Variants in TMEM94 observed in about 807,000 individuals in gnomAD.
TMEM94 encodes ER Mg2+ ATPase.
A neutral mutation model predicts 158.6 loss-of-function variants in TMEM94; 81 were observed. The ratio of observed to expected loss-of-function variants is 0.51; its 90% CI spans 0.43 to 0.61. The LOEUF is 0.61. Among genes scored for constraint, TMEM94 ranks in the 20% least tolerant of loss-of-function variants. The pLI is 0.00. For synonymous variants in TMEM94, 751 were observed against 730.7 expected (o/e 1.03, Z -0.45); for missense variants, 1,435 against 1,762.0 (o/e 0.81, Z 3.32).
Position 75,495,534 on chromosome 17 carries a change from C to T in TMEM94, c.2845-10C>T. Reference sequence around the variant, plus strand: ...CATCCCGAAGCCGCTGGCATCTCTGCTTTCTCCAGGCCAAGCTGCCCCGGG... The same window carrying T: ...CATCCCGAAGCCGCTGGCATCTCTGTTTTCTCCAGGCCAAGCTGCCCCGGG... On this transcript the variant is annotated splice_polypyrimidine_tract_variant and intron_variant, in intron 21 of 31. Coordinates refer to ENST00000314256, the MANE Select transcript of TMEM94 (RefSeq NM_014738.6). The surrounding 1 kb of genome is among the most constrained non-coding windows in gnomAD (Gnocchi z 5.6). 6.2e-7 allele frequency: 1 copy of T among 1,613,176 alleles called. No homozygotes were observed. Among genetic ancestry groups the T allele is most frequent in the South Asian group, 1.1e-5 (1 of 91,046 alleles).
At chr17:75,464,575 G>A (rs1241618314) in intron 1 of TMEM94, among the ~76,000 whole-genome samples, 1 of 148,688 alleles carries the variant, frequency 6.7e-6, no homozygotes, top group African/African-American at 2.5e-5. Context: ...TTATCCCTGT[G>A]TATTTTTTCA....
chr17:75,493,261 G>A lies in TMEM94; in HGVS notation c.2086+159G>A, dbSNP rs2052379050. 7.5e-6 allele frequency: 7 copies of A among 927,492 alleles called. No homozygotes were observed. In the South Asian group the frequency reaches 1.2e-4, roughly 16 times the overall value. 57.5% of individuals were successfully genotyped at this position (927,492 alleles called of 1,614,324 possible). On this transcript the variant is annotated intron_variant, in intron 16 of 31. Coordinates refer to ENST00000314256, the MANE Select transcript of TMEM94 (RefSeq NM_014738.6). ...GGCAGGGCTGGAATTGGGGACCAGG[G>A]CTGGGATGGTGTTGGCTGCAGAGGC...
At position 75,496,029 on chromosome 17, in the gene TMEM94, C is replaced by G; in HGVS notation, c.3008C>G (p.Ser1003Cys). Residue 1003 changes from serine to cysteine, a missense_variant, in exon 23 of 32, where the codon TCT becomes TGT. Ser to Cys is a moderately radical substitution (Grantham distance 112). Coordinates refer to ENST00000314256, the MANE Select transcript of TMEM94 (RefSeq NM_014738.6). The part of the protein sequence containing the change: ...YGEVTCCLGS[S>C]ANLRNSCLFL... ...GAGGTGACCTGCTGCCTGGGCAGCT[C>G]TGCCAACCTGCGGAACAGCTGCCTC... 6.2e-7 allele frequency: 1 copy of G among 1,613,378 alleles called. No homozygotes were observed. Among genetic ancestry groups the G allele is most frequent in the Non-Finnish European group, 8.5e-7 (1 of 1,179,968 alleles).
At chr17:75,465,885 T>A (rs1404112508) in intron 1 of TMEM94, among the ~76,000 whole-genome samples, 2 of 151,658 alleles carry the variant, frequency 1.3e-5, no homozygotes, top group East Asian at 3.9e-4. Flanking sequence ...TTTTTTTATT[T>A]TTATGGAACA....
intron 1 of TMEM94, among the ~76,000 whole-genome samples, chr17:75,460,574 TG>T (rs1398261678): frequency 2.0e-5 from 3 of 150,172 alleles, no homozygotes; most frequent in Non-Finnish European, 4.4e-5. Context: ...AGTGCAGTGG[TG>T]TGATTACGGC....
intron 2 of TMEM94, among the ~76,000 whole-genome samples, chr17:75,479,719 A>G (rs908740649): frequency 6.6e-6 from 1 of 151,998 alleles, no homozygotes; most frequent in African/African-American, 2.4e-5. Context: ...GGAGCTCAAG[A>G]CCAGCCTGGG....
At position 75,496,406 on chromosome 17, in the gene TMEM94, A is replaced by G. The variant is rs1291324394; in HGVS notation, c.3178A>G (p.Ser1060Gly). The part of the protein sequence containing the change: ...SPLQLSGQLN[S>G]LPCSLTFRQE... ...CCTGCAGCTGTCAGGGCAGCTCAAC[A>G]GCCTGCCCTGTTCCCTGACCTTTCG... Residue 1060 changes from serine to glycine, a missense_variant, in exon 24 of 32, where the codon AGC (serine) becomes GGC (glycine). Physicochemically the swap from Ser to Gly is moderately conservative, Grantham distance 56. Around this residue, in one of 3 missense-constraint regions of TMEM94, gnomAD observed 335 missense variants for 409.1 expected, o/e 0.82. Coordinates refer to ENST00000314256, the MANE Select transcript of TMEM94 (RefSeq NM_014738.6). 6.2e-7 allele frequency: 1 copy of G among 1,613,880 alleles called. No homozygotes were observed. Among genetic ancestry groups the G allele is most frequent in the Admixed American group, 1.7e-5 (1 of 60,030 alleles).
intron 1 of TMEM94, among the ~76,000 whole-genome samples, chr17:75,459,194 G>T (rs2049990490): frequency 6.6e-6 from 1 of 152,148 alleles, no homozygotes; most frequent in African/African-American, 2.4e-5. Flanking sequence ...TAACTTCCTT[G>T]CTCACTGGTT....
chr17:75,458,997 C>A (rs1490742757), intron 1 of TMEM94, among the ~76,000 whole-genome samples: 1 of 149,896 alleles, frequency 6.7e-6, no homozygotes, highest in Admixed American at 6.7e-5. Flanking sequence ...GCAGAGCTTG[C>A]AGTGAGCCGA....
At chr17:75,490,873 C>T in intron 11 of TMEM94, 115 bp downstream of exon 11, 1 of 1,038,434 alleles carries the variant, frequency 9.6e-7, no homozygotes, top group South Asian at 1.4e-5. Context: ...CCATGTCCAC[C>T]CGTTACATGT....
Position 75,498,448 on chromosome 17 carries a change from G to A in TMEM94, c.3643G>A (p.Asp1215Asn), listed in dbSNP as rs372319205. The A allele has an allele frequency of 3.1e-6, 5 of 1,587,658 alleles. No homozygotes were observed. Among genetic ancestry groups the A allele is most frequent in the African/African-American group, 2.7e-5 (2 of 74,402 alleles). ...NCSSVMLPSN[D>N]DRAPAWFEDF... is the part of the protein sequence containing the mutation. ...GCCCATGCCTCACTTTGGCAGCAAC[G>A]ACGACAGGGCTCCAGCCTGGTTTGA... is the stretch of plus-strand genomic sequence containing the variant. Residue 1215 changes from aspartate to asparagine, a missense_variant, in exon 29 of 32, where the codon GAC becomes AAC. Coordinates refer to ENST00000314256, the MANE Select transcript of TMEM94 (RefSeq NM_014738.6). This position sits in a 1 kb window ranked among gnomAD's most constrained non-coding sequence, Gnocchi z 6.7.
chr17:75,479,085 C>T (rs192934469), intron 2 of TMEM94, among the ~76,000 whole-genome samples: 478 of 152,214 alleles, frequency 3.1e-3, no homozygotes, highest in Non-Finnish European at 5.8e-3. Context: ...CTGGCAGAGC[C>T]CACTCACCCA....
In TMEM94 at chr17:75,485,692, G is replaced by C; in HGVS notation, c.144+145G>C. On this transcript the variant is annotated intron_variant, in intron 3 of 31. Transcript: ENST00000314256. The surrounding 1 kb of genome is among the most constrained non-coding windows in gnomAD (Gnocchi z 5.5). Reference sequence around the variant, plus strand: ...CATGAAATATCAGAAAGAAGCCAAGGTTCCCCTCAGAGTGGCTCCTGAGCC... The same window carrying C: ...CATGAAATATCAGAAAGAAGCCAAGCTTCCCCTCAGAGTGGCTCCTGAGCC... 2 of 1,364,838 alleles carry C rather than the reference G, an allele frequency of 1.5e-6. No homozygotes were observed. The highest frequency in any genetic ancestry group is 2.0e-6 in the Non-Finnish European group (2 of 994,900). 84.5% of individuals were successfully genotyped at this position (1,364,838 alleles called of 1,614,324 possible).
At chr17:75,469,502 G>A (rs939558470) in intron 1 of TMEM94, among the ~76,000 whole-genome samples, 5 of 151,412 alleles carry the variant, frequency 3.3e-5, no homozygotes, top group African/African-American at 4.8e-5. Context: ...CCACCACCAC[G>A]CCTGGCTAAT....
In TMEM94 at chr17:75,491,750, T is replaced by C. The variant is rs755478101; in HGVS notation, c.1446T>C (p.Asn482=). The C allele has an allele frequency of 1.9e-6, 3 of 1,613,988 alleles. No homozygotes were observed. The highest frequency in any genetic ancestry group is 1.1e-5 in the South Asian group (1 of 91,080). ...GSLNNTLHLS[N]EQERGDWPGE... ...TGAACAACACCCTGCACCTTTCCAA[T>C]GAGCAGGAGCGTGGCGACTGGCCTG... The change falls in exon 14 of 32, where the codon AAT becomes AAC. Residue 482 remains asparagine (N), a synonymous_variant. Transcript: ENST00000314256. This position sits in a 1 kb window ranked among gnomAD's most constrained non-coding sequence, Gnocchi z 5.1.
In TMEM94 at chr17:75,462,499, T is replaced by C. The variant is rs919379015; in HGVS notation, c.-107+5748T>C. Among the ~76,000 whole-genome samples the C allele has an allele frequency of 2.6e-5, 4 of 151,596 alleles. No individual in the cohort carries two copies. In the Admixed American group the frequency reaches 2.6e-4, roughly 10 times the overall value. On this transcript the variant is annotated intron_variant, in intron 1 of 31. Transcript: ENST00000314256. ...TCAGCTTCTGCTTGGTTCCCTCTAG[T>C]GATGGGAGCTCATTGCTTCACAGGG...
chr17:75,466,772 T>G (rs1309969886), intron 1 of TMEM94, among the ~76,000 whole-genome samples: 2 of 151,728 alleles, frequency 1.3e-5, no homozygotes, highest in Non-Finnish European at 2.9e-5. Flanking sequence ...GAGCTGAGAT[T>G]GTGCCATTGC....
Position 75,498,335 on chromosome 17 carries a change from C to A in TMEM94, c.3638+12C>A, listed in dbSNP as rs778104679. Reference sequence around the variant, plus strand: ...GTCATGCTGCCCAGGTGGGTCCCAGCCCCAGAGATCCACCCATCGCCTGCC... The same window carrying A: ...GTCATGCTGCCCAGGTGGGTCCCAGACCCAGAGATCCACCCATCGCCTGCC... On this transcript the variant is annotated intron_variant, in intron 28 of 31. Coordinates refer to ENST00000314256, the MANE Select transcript of TMEM94 (RefSeq NM_014738.6). The surrounding 1 kb of genome is among the most constrained non-coding windows in gnomAD (Gnocchi z 6.7). The A allele has an allele frequency of 6.2e-7, 1 of 1,612,896 alleles. No individual in the cohort carries two copies. Among genetic ancestry groups the A allele is most frequent in the Non-Finnish European group, 8.5e-7 (1 of 1,179,986 alleles).
chr17:75,483,642 T>G (rs1160440404), intron 2 of TMEM94, among the ~76,000 whole-genome samples: 1 of 151,950 alleles, frequency 6.6e-6, no homozygotes, highest in Non-Finnish European at 1.5e-5. Flanking sequence ...GTATTTTTAG[T>G]AGGGATGGGG....
Sources: allele counts gnomAD v4.1 joint callset (sites outside exome capture counted in the v4.1 genomes callset), GRCh38; gene constraint gnomAD v4.1.1; regional missense constraint gnomAD v4.1.1; non-coding constraint Gnocchi (gnomAD v3.1); transcripts MANE v1.5; gene names NCBI Gene and HGNC (gene_info 2026-07-23, HGNC 2026-07-21).